NUP93: variants seen among roughly 807,000 people sequenced by gnomAD.
NUP93 encodes nucleoporin 93, also known as nuclear pore complex protein Nup93.
NUP93 carries 55 observed loss-of-function variants against 107.8 expected under a neutral mutation model. The ratio of observed to expected loss-of-function variants is 0.51; its 90% CI spans 0.41 to 0.64. The LOEUF (loss-of-function observed/expected upper bound fraction) is 0.64, where lower values mean the gene tolerates loss of function less well. Ranked by LOEUF, NUP93 falls within the 30% of genes least tolerant of loss-of-function variation. The pLI, the probability that NUP93 is intolerant of heterozygous loss-of-function variation, is 0.00. For missense variants in NUP93, 937 were observed against 1,044.7 expected, an observed-to-expected ratio of 0.90 and a Z score of 1.42; for synonymous variants, 390 against 397.5, an observed-to-expected ratio of 0.98 and a Z score of 0.22.
intron 16 of NUP93, among the ~76,000 whole-genome samples, chr16:56,835,900 G>A (rs1184714867): frequency 1.3e-5 from 2 of 152,058 alleles, no homozygotes; most frequent in African/African-American, 2.4e-5. Flanking sequence ...AGGCCGAGGC[G>A]GGTGGATCAT....
At chr16:56,751,760 CCTT>C (rs1165067393) in intron 2 of NUP93, among the ~76,000 whole-genome samples, 1 of 152,140 alleles carries the variant, frequency 6.6e-6, no homozygotes, top group East Asian at 1.9e-4. Flanking sequence ...CAGTCCTTGT[CCTT>C]CTACTCTCCT....
chr16:56,835,642 A>G (rs907099111), intron 16 of NUP93, among the ~76,000 whole-genome samples: 1 of 152,178 alleles, frequency 6.6e-6, no homozygotes, highest in Admixed American at 6.5e-5. Context: ...GTGGCAGGGC[A>G]AGTCACCTCA....
intron 3 of NUP93, among the ~76,000 whole-genome samples, chr16:56,780,967 G>A (rs543520774): frequency 1.3e-5 from 2 of 152,188 alleles, no homozygotes; most frequent in South Asian, 2.1e-4. Context: ...TCCTATAATT[G>A]TACAGTTGTT....
intron 8 of NUP93, among the ~76,000 whole-genome samples, chr16:56,826,749 TA>T (rs1963669272): frequency 6.6e-6 from 1 of 151,902 alleles, no homozygotes; most frequent in Non-Finnish European, 1.5e-5. Context: ...CATAACTGCA[TA>T]AAATTTCATT....
At chr16:56,824,648 G>A (rs538736836) in intron 8 of NUP93, among the ~76,000 whole-genome samples, 2 of 152,358 alleles carry the variant, frequency 1.3e-5, no homozygotes, top group South Asian at 4.1e-4. Flanking sequence ...CAGCAGCCTT[G>A]CAGTAAGATT....
intron 4 of NUP93, among the ~76,000 whole-genome samples, chr16:56,799,781 T>C (rs1387008652): frequency 2.6e-5 from 4 of 152,244 alleles, no homozygotes; most frequent in Non-Finnish European, 5.9e-5. Flanking sequence ...GGTGAACATG[T>C]CTCAGTAGTA....
chr16:56,805,478 C>T (rs771126164), intron 4 of NUP93, 26 bp from the exon 5 acceptor site: 10 of 1,609,944 alleles, frequency 6.2e-6, no homozygotes, highest in Non-Finnish European at 1.7e-6. Context: ...TCCTGAGGGT[C>T]ATTGTTCTCT....
intron 5 of NUP93, among the ~76,000 whole-genome samples, chr16:56,813,739 ATATT>A (rs1433669639): frequency 6.6e-6 from 1 of 152,200 alleles, no homozygotes; most frequent in African/African-American, 2.4e-5. Flanking sequence ...ATCATTTTAT[ATATT>A]AGTTCCTATA....
chr16:56,795,801 C>T (rs1962884168), intron 3 of NUP93, among the ~76,000 whole-genome samples: 2 of 152,070 alleles, frequency 1.3e-5, no homozygotes, highest in South Asian at 4.1e-4. Context: ...CGCCCGCCAC[C>T]ACGGCTGGCT....
rs1437439981 is a variant in NUP93, at chr16:56,730,217, G to C, written c.-15+6G>C. On this transcript the variant is annotated splice_donor_region_variant and intron_variant, in intron 1 of 21. Coordinates refer to ENST00000308159, the MANE Select transcript of NUP93 (RefSeq NM_014669.5). ...GGAGACGGCTGTAGCACAAGGTAAGGGTGTGTCTGGTCGCGTCCTTGCGAC... is the reference window on the plus strand; with the variant it reads ...GGAGACGGCTGTAGCACAAGGTAAGCGTGTGTCTGGTCGCGTCCTTGCGAC... 1 of 152,280 alleles carries C rather than the reference G, an allele frequency of 6.6e-6. No individual in the cohort carries two copies. The highest frequency in any genetic ancestry group is 2.4e-5 in the African/African-American group (1 of 41,444). 9.4% of individuals were successfully genotyped at this position (152,280 alleles called of 1,614,324 possible). A position where few individuals can be genotyped will look rare whatever the true frequency, so the allele number is the denominator to read the frequency against.
At chr16:56,819,465 T>C (rs927979723) in intron 6 of NUP93, among the ~76,000 whole-genome samples, 2 of 152,224 alleles carry the variant, frequency 1.3e-5, no homozygotes, top group African/African-American at 4.8e-5. Flanking sequence ...CCCCTTAAGA[T>C]TATCCTCCAC....
chr16:56,821,632 A>T, intron 7 of NUP93, 39 bp downstream of exon 7: 1 of 1,429,956 alleles, frequency 7.0e-7, no homozygotes, highest in Non-Finnish European at 9.8e-7. Flanking sequence ...ACCGGGGTCC[A>T]GTGTTCCGAT....
chr16:56,838,364 C>T (rs960693482), intron 18 of NUP93, among the ~76,000 whole-genome samples: 2 of 152,184 alleles, frequency 1.3e-5, no homozygotes, highest in African/African-American at 2.4e-5. Context: ...TTGCCCATCA[C>T]GACCTCCCAC....
chr16:56,730,883 C>G (rs1157037757), intron 1 of NUP93, among the ~76,000 whole-genome samples: 1 of 152,174 alleles, frequency 6.6e-6, no homozygotes, highest in Non-Finnish European at 1.5e-5. Context: ...GACAGAGCCT[C>G]TGGTCTGGAT....
intron 4 of NUP93, among the ~76,000 whole-genome samples, chr16:56,803,843 C>T (rs1963075140): frequency 6.6e-6 from 1 of 152,086 alleles, no homozygotes; most frequent in South Asian, 2.1e-4. Flanking sequence ...AGTCACAGCT[C>T]ACTGCAACCT....
Position 56,758,573 on chromosome 16 carries a change from C to G in NUP93, c.215C>G (p.Ser72Cys). ...CTCGGGTCTCGGGGACTTGACATAT[C>G]CCACATCTCCCAGCGATTGGAGAGT... Reference protein sequence around the residue: ...VLLGSRGLDISHISQRLESLS... With the variant: ...VLLGSRGLDICHISQRLESLS... Residue 72 changes from serine to cysteine, a missense_variant, in exon 3 of 22, where the codon TCC (serine) becomes TGC (cysteine). Physicochemically the swap from Ser to Cys is moderately radical, Grantham distance 112. Transcript: ENST00000308159. 1 of 1,613,818 alleles carries G rather than the reference C, an allele frequency of 6.2e-7. No individual in the cohort carries two copies. The highest frequency in any genetic ancestry group is 8.5e-7 in the Non-Finnish European group (1 of 1,179,828).
At chr16:56,777,012 G>C (rs1285000829) in intron 3 of NUP93, among the ~76,000 whole-genome samples, 10 of 152,200 alleles carry the variant, frequency 6.6e-5, no homozygotes, top group Non-Finnish European at 1.3e-4. Context: ...TGCTGAGAGA[G>C]AGAGTGAGCG....
At chr16:56,735,544 G>A (rs538371637) in intron 1 of NUP93, among the ~76,000 whole-genome samples, 30 of 152,310 alleles carry the variant, frequency 2.0e-4, no homozygotes, top group African/African-American at 6.7e-4. Flanking sequence ...GGCAACAGCC[G>A]TGTCAGAAAG....
intron 3 of NUP93, among the ~76,000 whole-genome samples, chr16:56,772,265 G>GGCTGTTAGA (rs1962336229): frequency 6.6e-6 from 1 of 152,108 alleles, no homozygotes; most frequent in African/African-American, 2.4e-5. Flanking sequence ...GTGAAAACAC[G>GGCTGTTAGA]GCTGTTAGAA....
Sources: allele counts gnomAD v4.1 joint callset (sites outside exome capture counted in the v4.1 genomes callset), GRCh38; gene constraint gnomAD v4.1.1; transcripts MANE v1.5; gene names NCBI Gene and HGNC (gene_info 2026-07-23, HGNC 2026-07-21).